The following TTLL7 variants were observed in gnomAD, a reference collection of about 807,000 sequenced individuals.
TTLL7 encodes the protein tubulin tyrosine ligase like 7, also known as tubulin polyglutamylase TTLL7.
Under a neutral mutation model 120.2 loss-of-function variants are expected in TTLL7, and 53 were observed. The observed-to-expected ratio is 0.44, with a 90% confidence interval of 0.35 to 0.55. The LOEUF is 0.55. Ranked by LOEUF, TTLL7 falls within the 20% of genes least tolerant of loss-of-function variation. TTLL7 has a pLI of 0.00. For missense variants in TTLL7, 803 were observed against 1,054.7 expected, an observed-to-expected ratio of 0.76 and a Z score of 3.31; for synonymous variants, 353 against 351.7, an observed-to-expected ratio of 1.00 and a Z score of -0.04.
intron 1 of TTLL7, among the ~76,000 whole-genome samples, chr1:83,962,564 A>G (rs1650102510): frequency 6.6e-6 from 1 of 152,136 alleles, no homozygotes; most frequent in African/African-American, 2.4e-5. Flanking sequence ...ACAGCCATTC[A>G]CTAGTTCTTC....
rs1654383475 is a variant in TTLL7, at chr1:83,880,831, C to T, written c.2543+2132G>A. Reference sequence around the variant, plus strand: ...AAGCTGGAGGCATCACGCTACCTGACTTCAAACTATACTACAAGGCTACAG... The same window carrying T: ...AAGCTGGAGGCATCACGCTACCTGATTTCAAACTATACTACAAGGCTACAG... On this transcript the variant is annotated intron_variant, in intron 20 of 20. Coordinates refer to ENST00000260505, the MANE Select transcript of TTLL7 (RefSeq NM_024686.6). Among the ~76,000 whole-genome samples, 4 of 152,006 alleles carry T rather than the reference C, an allele frequency of 2.6e-5. No homozygotes were observed. The South Asian group carries it at 8.3e-4, about 31-fold the overall frequency.
chr1:83,922,272 T>G (rs1487333917), intron 10 of TTLL7, among the ~76,000 whole-genome samples: 1 of 152,146 alleles, frequency 6.6e-6, no homozygotes, highest in Admixed American at 6.6e-5. Flanking sequence ...ATTTCCATGC[T>G]TCTATTGTCA....
Position 83,973,079 on chromosome 1 carries a change from G to A in TTLL7, c.-176-20692C>T, listed in dbSNP as rs532541479. Among the ~76,000 whole-genome samples the A allele has an allele frequency of 6.6e-4, 100 of 152,040 alleles. 1 individual carries two copies. Among genetic ancestry groups the A allele is most frequent in the South Asian group, 4.1e-3 (20 of 4,820 alleles). Reference sequence around the variant, plus strand: ...AATGTAAGTTTTTAATTTTAATGAAGTCCAGCTTATCAATAATTTCTTTCA... The same window carrying A: ...AATGTAAGTTTTTAATTTTAATGAAATCCAGCTTATCAATAATTTCTTTCA... On this transcript the variant is annotated intron_variant, in intron 1 of 20. Transcript: ENST00000260505.
chr1:83,889,861 G>A (rs1175023196), intron 19 of TTLL7: 7 of 455,634 alleles, frequency 1.5e-5, no homozygotes, highest in Admixed American at 4.7e-5. Context: ...TATCCAACTT[G>A]TATGACTGAG....
At chr1:83,879,823 C>T (rs976151069) in intron 20 of TTLL7, 3 of 151,928 alleles carry the variant, frequency 2.0e-5, no homozygotes, top group African/African-American at 4.8e-5. Context: ...GTCAAGATTC[C>T]GTGGTCGGAA....
At chr1:83,911,989 T>G (rs1388088986) in intron 14 of TTLL7, among the ~76,000 whole-genome samples, 1 of 152,178 alleles carries the variant, frequency 6.6e-6, no homozygotes, top group Non-Finnish European at 1.5e-5. Flanking sequence ...ACTAACTGGC[T>G]GTGGATATTT....
intron 1 of TTLL7, among the ~76,000 whole-genome samples, chr1:83,985,618 CG>C (rs1557806293): frequency 6.6e-6 from 1 of 151,988 alleles, no homozygotes; most frequent in Non-Finnish European, 1.5e-5. Flanking sequence ...GAAACAAAGA[CG>C]GGGGACGATT....
chr1:83,971,274 C>A (rs997140879), intron 1 of TTLL7, among the ~76,000 whole-genome samples: 1 of 152,022 alleles, frequency 6.6e-6, no homozygotes, highest in African/African-American at 2.4e-5. Flanking sequence ...TTAAATTCAG[C>A]CAACACAGCC....
chr1:83,936,699 T>A (rs1401783426), intron 8 of TTLL7, among the ~76,000 whole-genome samples: 4 of 152,224 alleles, frequency 2.6e-5, no homozygotes, highest in Admixed American at 2.6e-4. Flanking sequence ...CAAATCCAGA[T>A]GACATTTTTG....
chr1:83,907,719 T>G, intron 15 of TTLL7, 58 bp from the exon 16 acceptor site: 1 of 1,492,270 alleles, frequency 6.7e-7, no homozygotes, highest in Non-Finnish European at 9.2e-7. Flanking sequence ...AGTTTTTCAC[T>G]GTATGAAGTC....
intron 1 of TTLL7, among the ~76,000 whole-genome samples, chr1:83,977,539 C>A (rs1362738912): frequency 6.6e-6 from 1 of 151,966 alleles, no homozygotes; most frequent in Non-Finnish European, 1.5e-5. Flanking sequence ...ACACTATGGG[C>A]CCAGCTATTA....
At chr1:83,948,882 T>G (rs1045003504) in intron 4 of TTLL7, 187 bp from the exon 5 acceptor site, 3 of 425,994 alleles carry the variant, frequency 7.0e-6, no homozygotes, top group African/African-American at 6.1e-5. Context: ...AATCAGAGAA[T>G]AAAACTGCAA....
chr1:83,896,727 C>T (rs979270641), intron 18 of TTLL7, among the ~76,000 whole-genome samples: 4 of 152,138 alleles, frequency 2.6e-5, no homozygotes, highest in Middle Eastern at 3.4e-3. Context: ...AAACAAGGAC[C>T]TCTTAGCACC....
In TTLL7 at chr1:83,951,952, T is replaced by A; in HGVS notation, c.50A>T (p.Asp17Val). The change falls in exon 3 of 21, where the codon GAT becomes GTT. Residue 17 changes from aspartate (D) to valine (V), a missense_variant. Physicochemically the swap from Asp to Val is radical, Grantham distance 152. Coordinates refer to ENST00000260505, the MANE Select transcript of TTLL7 (RefSeq NM_024686.6). Reference protein sequence around the residue: ...EGVIQGPSPLDLNTELPYQST... With the variant: ...EGVIQGPSPLVLNTELPYQST... ...TTGATAAGGTAATTCTGTATTCAAA[T>A]CCAGGGGAGAGGGTCCCTGAATAAC... The A allele has an allele frequency of 1.9e-6, 3 of 1,609,730 alleles. No individual in the cohort carries two copies. The highest frequency in any genetic ancestry group is 2.5e-6 in the Non-Finnish European group (3 of 1,178,918).
Position 83,867,938 on chromosome 1 carries a change from G to A in TTLL7, c.*2024C>T, listed in dbSNP as rs1388044534. On this transcript the variant is annotated 3_prime_UTR_variant, in exon 21 of 21. Transcript: ENST00000260505. ...TAGTCACTGTAATTTCCTTCATTCT[G>A]ATACCCTTATTCTCTTCTTCCACAA... 6.6e-6 allele frequency: 1 copy of A among 151,982 alleles called. No individual in the cohort carries two copies. The highest frequency in any genetic ancestry group is 1.5e-5 in the Non-Finnish European group (1 of 67,984). 9.4% of individuals were successfully genotyped at this position (151,982 alleles called of 1,614,324 possible). A position where few individuals can be genotyped will look rare whatever the true frequency, so the allele number is the denominator to read the frequency against.
Position 83,866,814 on chromosome 1 carries a change from G to A in TTLL7, c.*3148C>T, listed in dbSNP as rs187504900. On this transcript the variant is annotated 3_prime_UTR_variant, in exon 21 of 21. Transcript: ENST00000260505. ...AATAGTTTCTTCAATAGATTATATA[G>A]AGCAAATGGTAACTAATCTATAATG... 1.2e-4 allele frequency: 19 copies of A among 152,018 alleles called. No homozygotes were observed. The East Asian group carries it at 2.7e-3, about 22-fold the overall frequency. The allele number at this position is 152,018 out of a possible 1,614,324, so 9.4% of individuals were successfully genotyped here. A position where few individuals can be genotyped will look rare whatever the true frequency, so the allele number is the denominator to read the frequency against.
At chr1:83,935,131 T>G (rs17534879) in intron 8 of TTLL7, among the ~76,000 whole-genome samples, 4,337 of 152,246 alleles carry the variant, frequency 0.028, 67 homozygotes, top group Middle Eastern at 0.082. Flanking sequence ...CAAAAAATTT[T>G]GTTCAAGGTT....
intron 1 of TTLL7, among the ~76,000 whole-genome samples, chr1:83,989,407 A>G (rs1186396049): frequency 1.3e-5 from 2 of 152,082 alleles, no homozygotes; most frequent in Admixed American, 6.5e-5. Context: ...TTATCCCAGT[A>G]TCTTTTATTG....
intron 13 of TTLL7, among the ~76,000 whole-genome samples, chr1:83,919,173 T>A (rs1026881855): frequency 9.9e-5 from 15 of 151,918 alleles, no homozygotes; most frequent in Non-Finnish European, 7.4e-5. Context: ...CCAGCCACGA[T>A]TGCAGAGTAA....
Sources: allele counts gnomAD v4.1 joint callset (sites outside exome capture counted in the v4.1 genomes callset), GRCh38; gene constraint gnomAD v4.1.1; transcripts MANE v1.5; gene names NCBI Gene and HGNC (gene_info 2026-07-23, HGNC 2026-07-21).